Variants in L2HGDH observed in about 807,000 individuals in gnomAD.
L2HGDH encodes L-2-hydroxyglutarate dehydrogenase, mitochondrial.
In L2HGDH, 34 loss-of-function variants were observed where a neutral mutation model predicts 51.5. The ratio of observed to expected loss-of-function variants is 0.66; its 90% CI spans 0.50 to 0.88. The LOEUF is 0.88. Among genes scored for constraint, L2HGDH ranks in the 40% least tolerant of loss-of-function variants. The pLI is 0.00. For missense variants in L2HGDH, 558 were observed against 571.9 expected (o/e 0.98, Z 0.25); for synonymous variants, 198 against 197.9 (o/e 1.00, Z -0.01).
intron 5 of L2HGDH, among the ~76,000 whole-genome samples, chr14:50,281,254 G>A (rs1185770673): frequency 6.6e-6 from 1 of 152,146 alleles, no homozygotes; most frequent in Non-Finnish European, 1.5e-5. Flanking sequence ...AAAAGGAGAT[G>A]TCATGTCATG....
intron 8 of L2HGDH, among the ~76,000 whole-genome samples, chr14:50,267,039 T>C (rs990030477): frequency 6.6e-6 from 1 of 152,160 alleles, no homozygotes; most frequent in Non-Finnish European, 1.5e-5. Context: ...TCTACTGATT[T>C]TGAGAGAATC....
intron 3 of L2HGDH, among the ~76,000 whole-genome samples, chr14:50,300,431 A>C (rs905580156): frequency 1.3e-5 from 2 of 152,090 alleles, no homozygotes; most frequent in African/African-American, 4.8e-5. Flanking sequence ...AGTAGCTGGC[A>C]TTACAGGCGT....
At chr14:50,254,351 C>T (rs1476065505) in intron 9 of L2HGDH, among the ~76,000 whole-genome samples, 4 of 151,914 alleles carry the variant, frequency 2.6e-5, no homozygotes, top group Non-Finnish European at 4.4e-5. Flanking sequence ...AAAAAAAAAT[C>T]TTAAAGAATC....
chr14:50,305,297 G>A (rs1465268334), intron 1 of L2HGDH, among the ~76,000 whole-genome samples: 1 of 152,156 alleles, frequency 6.6e-6, no homozygotes, highest in Non-Finnish European at 1.5e-5. Flanking sequence ...GGTGAATGAT[G>A]CCCACTTTTA....
rs765382634 is a variant in L2HGDH at position 50,247,192 on chromosome 14, C to CA, written c.1257dup (p.Val420CysfsTer3). Reference sequence around the variant, plus strand: ...ATATCCCCAACTCCTGCATCAAATACAAAATCTTCTACCAGATTTCCATCT... The same window carrying CA: ...ATATCCCCAACTCCTGCATCAAATACAAAAATCTTCTACCAGATTTCCATCT... On this transcript the variant is annotated frameshift_variant, in exon 10 of 10. Transcript: ENST00000267436. LOFTEE classifies it high-confidence loss of function. The CA allele has an allele frequency of 6.2e-7, 1 of 1,614,162 alleles. No individual in the cohort carries two copies. Among genetic ancestry groups the CA allele is most frequent in the Non-Finnish European group, 8.5e-7 (1 of 1,180,032 alleles).
chr14:50,306,074 T>G (rs1356701841), intron 1 of L2HGDH, among the ~76,000 whole-genome samples: 1 of 149,966 alleles, frequency 6.7e-6, no homozygotes, highest in East Asian at 2.0e-4. Context: ...TTCGGTGAGA[T>G]GGAGTCTGGC....
intron 5 of L2HGDH, among the ~76,000 whole-genome samples, chr14:50,283,150 G>A (rs1164478359): frequency 1.3e-5 from 2 of 151,952 alleles, no homozygotes; most frequent in African/African-American, 2.4e-5. Context: ...ACAGTGAGCC[G>A]GGATTGTGCC....
chr14:50,277,546 C>T (rs1268486476), intron 6 of L2HGDH, among the ~76,000 whole-genome samples: 2 of 151,596 alleles, frequency 1.3e-5, no homozygotes, highest in African/African-American at 2.4e-5. Context: ...GAGGCCGAGG[C>T]GGGTGGATCA....
chr14:50,268,041 ATAC>A (rs1223340296), intron 7 of L2HGDH, 131 bp from the exon 8 acceptor site: 10 of 896,548 alleles, frequency 1.1e-5, no homozygotes, highest in Non-Finnish European at 1.8e-5. Context: ...GTACTCAGAT[ATAC>A]TTTTCCATTA....
chr14:50,245,101 C>CT lies in L2HGDH; in HGVS notation c.*1956dup. ...ATACTCATGAGGTGAATGTAAGGCA[C>CT]TTTCGCGGTTTACAAAAGTGAATGC... On this transcript the variant is annotated 3_prime_UTR_variant, in exon 10 of 10. Transcript: ENST00000267436. 1.0e-6 allele frequency: 1 copy of CT among 985,754 alleles called. No individual in the cohort carries two copies. Among genetic ancestry groups the CT allele is most frequent in the Non-Finnish European group, 1.2e-6 (1 of 829,918 alleles). 61.1% of individuals were successfully genotyped at this position (985,754 alleles called of 1,614,324 possible). A position where few individuals can be genotyped will look rare whatever the true frequency, so the allele number is the denominator to read the frequency against.
At position 50,303,032 on chromosome 14, in the gene L2HGDH, C is replaced by T. The variant is rs1221703745; in HGVS notation, c.141-15G>A. 2 of 1,517,490 alleles carry T rather than the reference C, an allele frequency of 1.3e-6. No individual in the cohort carries two copies. Among genetic ancestry groups the T allele is most frequent in the Non-Finnish European group, 1.8e-6 (2 of 1,092,332 alleles). 94.0% of individuals were successfully genotyped at this position (1,517,490 alleles called of 1,614,324 possible). ...TATCAAATGAGCTTCAAAAGAAAGT[C>T]ATCTTTAAAGTAATTCATATTTACA... On this transcript the variant is annotated splice_polypyrimidine_tract_variant and intron_variant, in intron 1 of 9. Coordinates refer to ENST00000267436, the MANE Select transcript of L2HGDH (RefSeq NM_024884.3).
chr14:50,303,093 T>A, intron 1 of L2HGDH, 76 bp from the exon 2 acceptor site: 1 of 889,738 alleles, frequency 1.1e-6, no homozygotes, highest in East Asian at 2.4e-5. Context: ...ATAATTTTCA[T>A]CAATGGACAA....
Position 50,243,183 on chromosome 14 carries a change from C to A in L2HGDH, c.*3875G>T, listed in dbSNP as rs1294180773. The A allele has an allele frequency of 8.1e-6, 8 of 985,198 alleles. No individual in the cohort carries two copies. Among genetic ancestry groups the A allele is most frequent in the Non-Finnish European group, 9.6e-6 (8 of 829,852 alleles). The allele number at this position is 985,198 out of a possible 1,614,324, so 61.0% of individuals were successfully genotyped here. ...ATCAAGGGAAGGACTTTGATATACA[C>A]ATATATGTATGGATAAAAGAGTTAA... On this transcript the variant is annotated 3_prime_UTR_variant, in exon 10 of 10. Coordinates refer to ENST00000267436, the MANE Select transcript of L2HGDH (RefSeq NM_024884.3).
intron 9 of L2HGDH, among the ~76,000 whole-genome samples, chr14:50,248,991 C>A (rs1888174619): frequency 6.6e-6 from 1 of 152,188 alleles, no homozygotes; most frequent in Non-Finnish European, 1.5e-5. Context: ...AGAACCTATG[C>A]ACTTGGGAAA....
At chr14:50,274,274 C>CAA (rs576083220) in intron 6 of L2HGDH, among the ~76,000 whole-genome samples, 63 of 126,152 alleles carry the variant, frequency 5.0e-4, no homozygotes, top group African/African-American at 1.7e-3. Flanking sequence ...GACCCTGTCT[C>CAA]AAAAAAAAAA....
Position 50,302,667 on chromosome 14 carries a change from C to T in L2HGDH, c.256+235G>A, listed in dbSNP as rs55851766. On this transcript the variant is annotated intron_variant, in intron 2 of 9. Coordinates refer to ENST00000267436, the MANE Select transcript of L2HGDH (RefSeq NM_024884.3). Reference sequence around the variant, plus strand: ...TTCCCTGTCTTACTTTCCTCACCCCCTCACTCCTGTTTCCTGAGATAACCT... The same window carrying T: ...TTCCCTGTCTTACTTTCCTCACCCCTTCACTCCTGTTTCCTGAGATAACCT... 0.095 allele frequency among the ~76,000 whole-genome samples: 14,385 copies of T among 152,176 alleles called. 781 individuals carry two copies. Among genetic ancestry groups the T allele is most frequent in the Non-Finnish European group, 0.12 (7,965 of 68,006 alleles).
At chr14:50,251,381 A>T (rs1210926235) in intron 9 of L2HGDH, among the ~76,000 whole-genome samples, 1 of 152,126 alleles carries the variant, frequency 6.6e-6, no homozygotes, top group Admixed American at 6.6e-5. Flanking sequence ...TCTAGAAAAC[A>T]TTCTCAAAAG....
At chr14:50,275,222 T>G (rs1188363037) in intron 6 of L2HGDH, among the ~76,000 whole-genome samples, 1 of 152,172 alleles carries the variant, frequency 6.6e-6, no homozygotes, top group Non-Finnish European at 1.5e-5. Flanking sequence ...AACATAGAAC[T>G]GGAAAACATA....
chr14:50,259,384 T>TTTTTTC (rs1566506714), intron 9 of L2HGDH, among the ~76,000 whole-genome samples: 1 of 111,922 alleles, frequency 8.9e-6, no homozygotes, highest in African/African-American at 3.1e-5. Flanking sequence ...TTTTTTTTTT[T>TTTTTTC]CAGAAATGGG....
Sources: gnomAD v4.1 joint callset for allele counts (sites outside exome capture counted in the v4.1 genomes callset) on GRCh38, gnomAD v4.1.1 for gene constraint, MANE v1.5 for transcripts, NCBI Gene and HGNC (gene_info 2026-07-23, HGNC 2026-07-21) for gene names.